The following ARHGAP10 variants were observed in gnomAD, a reference collection of about 807,000 sequenced individuals.
ARHGAP10 encodes the protein Rho GTPase activating protein 10, also known as rho GTPase-activating protein 10.
In ARHGAP10, 87 loss-of-function variants were observed where a neutral mutation model predicts 108.6. The ratio of observed to expected loss-of-function variants is 0.80; its 90% CI spans 0.67 to 0.96. The LOEUF (loss-of-function observed/expected upper bound fraction) is 0.96, where lower values mean the gene tolerates loss of function less well. Ranked by LOEUF, ARHGAP10 falls within the 40% of genes least tolerant of loss-of-function variation. The pLI, the probability that ARHGAP10 is intolerant of heterozygous loss-of-function variation, is 0.00. For synonymous variants in ARHGAP10, 347 were observed against 341.1 expected (o/e 1.02, Z -0.19); for missense variants, 939 against 954.5 (o/e 0.98, Z 0.21).
At chr4:147,743,358 G>A (rs1216551279) in intron 1 of ARHGAP10, among the ~76,000 whole-genome samples, 1 of 152,064 alleles carries the variant, frequency 6.6e-6, no homozygotes, top group Admixed American at 6.6e-5. Context: ...TTTGTGAAAT[G>A]CGAATCAAAG....
chr4:148,008,876 C>G (rs1213588775), intron 18 of ARHGAP10, among the ~76,000 whole-genome samples: 1 of 152,014 alleles, frequency 6.6e-6, no homozygotes, highest in Non-Finnish European at 1.5e-5. Context: ...CAGAAGGAGA[C>G]AGAGAGTCCG....
intron 19 of ARHGAP10, among the ~76,000 whole-genome samples, chr4:148,031,232 A>T (rs1411359600): frequency 6.6e-6 from 1 of 152,230 alleles, no homozygotes; most frequent in African/African-American, 2.4e-5. Flanking sequence ...TATTTTTTAA[A>T]AGGTATATTC....
At chr4:147,810,606 G>T (rs926330143) in intron 1 of ARHGAP10, among the ~76,000 whole-genome samples, 3 of 152,224 alleles carry the variant, frequency 2.0e-5, no homozygotes, top group Non-Finnish European at 4.4e-5. Context: ...CTCAGCTGGA[G>T]AATGTGTTGG....
At chr4:147,990,875 G>A (rs916955407) in intron 18 of ARHGAP10, among the ~76,000 whole-genome samples, 3 of 152,020 alleles carry the variant, frequency 2.0e-5, no homozygotes, top group Non-Finnish European at 2.9e-5. Flanking sequence ...AACGGGCCTG[G>A]TGTTGTGGTG....
At chr4:148,018,425 C>A (rs752588532) in intron 18 of ARHGAP10, among the ~76,000 whole-genome samples, 20 of 152,114 alleles carry the variant, frequency 1.3e-4, no homozygotes, top group Non-Finnish European at 8.8e-5. Context: ...TACATTTTAT[C>A]TTCTAGAATT....
chr4:147,784,202 A>G lies in ARHGAP10; in HGVS notation c.155-38525A>G, dbSNP rs568184596. ...TTTACATAACATTAAATTGTGTATT[A>G]TATATTTTACATAACATTAAATTGT... On this transcript the variant is annotated intron_variant, in intron 1 of 22. Coordinates refer to ENST00000336498, the MANE Select transcript of ARHGAP10 (RefSeq NM_024605.4). 6.0e-5 allele frequency among the ~76,000 whole-genome samples: 6 copies of G among 99,812 alleles called. No individual in the cohort carries two copies. In the South Asian group the frequency reaches 2.5e-3, roughly 41 times the overall value. The allele number at this position is 99,812 out of a possible 152,430, so 65.5% of individuals were successfully genotyped here.
At chr4:147,758,123 C>T (rs1298690919) in intron 1 of ARHGAP10, among the ~76,000 whole-genome samples, 3 of 152,088 alleles carry the variant, frequency 2.0e-5, no homozygotes, top group East Asian at 1.9e-4. Flanking sequence ...ATTAGCTGGG[C>T]GTGGTAGCAC....
At chr4:147,898,065 GA>G (rs1417373324) in intron 10 of ARHGAP10, among the ~76,000 whole-genome samples, 1 of 152,098 alleles carries the variant, frequency 6.6e-6, no homozygotes, top group Non-Finnish European at 1.5e-5. Context: ...ATGTTATCTA[GA>G]ATGGGCCATA....
intron 22 of ARHGAP10, among the ~76,000 whole-genome samples, chr4:148,067,636 T>C (rs1029268225): frequency 8.5e-5 from 13 of 152,264 alleles, no homozygotes; most frequent in African/African-American, 2.7e-4. Context: ...CCATAGATGC[T>C]CTTGCAGTGC....
chr4:148,020,477 TG>T (rs1741523523), intron 18 of ARHGAP10, among the ~76,000 whole-genome samples: 1 of 152,050 alleles, frequency 6.6e-6, no homozygotes, highest in Admixed American at 6.6e-5. Flanking sequence ...CCCCAGTGTG[TG>T]TTCACCCCAG....
chr4:147,741,532 G>A (rs2126679485), intron 1 of ARHGAP10, among the ~76,000 whole-genome samples: 1 of 152,248 alleles, frequency 6.6e-6, no homozygotes, highest in East Asian at 1.9e-4. Flanking sequence ...AGTTGGGGCA[G>A]ATGAACATGA....
intron 3 of ARHGAP10, among the ~76,000 whole-genome samples, chr4:147,834,241 C>T (rs927685207): frequency 1.1e-4 from 17 of 152,076 alleles, no homozygotes; most frequent in African/African-American, 3.6e-4. Flanking sequence ...AGGTGAGGCA[C>T]GAGGATTGCT....
chr4:148,046,870 T>G, intron 19 of ARHGAP10, 22 bp from the exon 20 acceptor site: 1 of 1,603,166 alleles, frequency 6.2e-7, no homozygotes, highest in Non-Finnish European at 8.5e-7. Context: ...TGTTTGATAT[T>G]CAATGCTTTT....
intron 10 of ARHGAP10, among the ~76,000 whole-genome samples, 176 bp from the exon 11 acceptor site, chr4:147,906,462 C>G (rs1736498527): frequency 6.6e-6 from 1 of 151,976 alleles, no homozygotes; most frequent in Non-Finnish European, 1.5e-5. Context: ...ACATTGTGAA[C>G]ATATTTAATG....
chr4:147,738,616 C>T (rs745829117), intron 1 of ARHGAP10, among the ~76,000 whole-genome samples: 8 of 152,092 alleles, frequency 5.3e-5, no homozygotes, highest in Non-Finnish European at 5.9e-5. Flanking sequence ...TTTGTTAATA[C>T]ATGTAAAGCA....
chr4:148,067,154 G>A (rs931634714), intron 22 of ARHGAP10, among the ~76,000 whole-genome samples: 2 of 152,212 alleles, frequency 1.3e-5, no homozygotes, highest in Admixed American at 6.5e-5. Flanking sequence ...TGTCTTGTAG[G>A]TGCCGCCCTG....
chr4:147,994,990 C>T (rs1489094922), intron 18 of ARHGAP10, among the ~76,000 whole-genome samples: 3 of 152,158 alleles, frequency 2.0e-5, no homozygotes, highest in East Asian at 3.9e-4. Context: ...TGTGTGTAAT[C>T]GTATTATTCT....
rs189748036 is a variant in ARHGAP10 at position 148,056,623 on chromosome 4, T to C, written c.2028-6525T>C. ...CCTTTGTTAAAAATAATGAAATTAGTGTTGATACAGTACTGTTAACTAAAC... is the reference window on the plus strand; with the variant it reads ...CCTTTGTTAAAAATAATGAAATTAGCGTTGATACAGTACTGTTAACTAAAC... On this transcript the variant is annotated intron_variant, in intron 20 of 22. Coordinates refer to ENST00000336498, the MANE Select transcript of ARHGAP10 (RefSeq NM_024605.4). Among the ~76,000 whole-genome samples, 17 of 151,386 alleles carry C rather than the reference T, an allele frequency of 1.1e-4. No homozygotes were observed. In the East Asian group the frequency reaches 3.1e-3, roughly 28 times the overall value.
chr4:148,069,550 CCTGT>C (rs541949733), intron 22 of ARHGAP10, among the ~76,000 whole-genome samples: 225 of 152,330 alleles, frequency 1.5e-3, no homozygotes, highest in South Asian at 0.013. Context: ...CTCTGTTCAT[CCTGT>C]CTTTTATTAA....
Sources: gnomAD v4.1 joint callset for allele counts (sites outside exome capture counted in the v4.1 genomes callset) on GRCh38, gnomAD v4.1.1 for gene constraint, MANE v1.5 for transcripts, NCBI Gene and HGNC (gene_info 2026-07-23, HGNC 2026-07-21) for gene names.